Variants in GLI2 observed in about 807,000 individuals in gnomAD.
The protein encoded by GLI2 is transcription activator GLI2.
GLI2 carries 22 observed loss-of-function variants against 78.9 expected under a neutral mutation model. The observed-to-expected ratio is 0.28, with a 90% CI of 0.20 to 0.40. GLI2 has a LOEUF of 0.40. Ranked by LOEUF, GLI2 falls within the 10% of genes least tolerant of loss-of-function variation. The pLI is 1.00. For synonymous variants in GLI2, 974 were observed against 963.7 expected (o/e 1.01, Z -0.20); for missense variants, 2,097 against 2,213.2 (o/e 0.95, Z 1.05).
chr2:120,820,449 G>T (rs942740199), intron 2 of GLI2, among the ~76,000 whole-genome samples: 7 of 152,216 alleles, frequency 4.6e-5, no homozygotes, highest in Non-Finnish European at 1.0e-4. Context: ...AGGCAGTAAC[G>T]TCAGAGGCTG....
chr2:120,903,399 A>G (rs1573570129), intron 2 of GLI2, among the ~76,000 whole-genome samples: 1 of 151,958 alleles, frequency 6.6e-6, no homozygotes, highest in Admixed American at 6.5e-5. Flanking sequence ...TAAACAGTCC[A>G]CCAGCCTCTT....
chr2:120,939,218 G>T (rs1680339109), intron 3 of GLI2, among the ~76,000 whole-genome samples: 1 of 152,124 alleles, frequency 6.6e-6, no homozygotes, highest in African/African-American at 2.4e-5. Context: ...GGAGGCGGAA[G>T]TTGCAGTGAG....
intron 1 of GLI2, among the ~76,000 whole-genome samples, chr2:120,753,717 T>C (rs940741814): frequency 6.6e-6 from 1 of 151,918 alleles, no homozygotes; most frequent in Non-Finnish European, 1.5e-5. Flanking sequence ...GCTAACACGG[T>C]GAAACCCCGT....
At chr2:120,770,957 A>C (rs887447630) in intron 1 of GLI2, among the ~76,000 whole-genome samples, 7 of 152,162 alleles carry the variant, frequency 4.6e-5, no homozygotes, top group Admixed American at 4.6e-4. Context: ...CTCAGAGCCT[A>C]GTTATGACAT....
chr2:120,888,521 G>A (rs1224656622), intron 2 of GLI2, among the ~76,000 whole-genome samples: 4 of 152,188 alleles, frequency 2.6e-5, no homozygotes, highest in Non-Finnish European at 5.9e-5. Flanking sequence ...TGTGATTCAG[G>A]GGAGAGTGGG....
chr2:120,802,690 G>C (rs1281998597), intron 2 of GLI2, among the ~76,000 whole-genome samples: 6 of 152,166 alleles, frequency 3.9e-5, no homozygotes, highest in Admixed American at 3.9e-4. Context: ...ATGAAAGGTG[G>C]AGCCATGAAA....
intron 1 of GLI2, among the ~76,000 whole-genome samples, chr2:120,783,526 C>G (rs578254055): frequency 1.3e-5 from 2 of 151,678 alleles, no homozygotes; most frequent in South Asian, 4.2e-4. Flanking sequence ...TTGATTGTGT[C>G]TTGGAGAGAG....
chr2:120,883,846 A>T (rs922057341), intron 2 of GLI2, among the ~76,000 whole-genome samples: 10 of 152,112 alleles, frequency 6.6e-5, no homozygotes, highest in African/African-American at 2.4e-4. Context: ...GGAGAGGTAG[A>T]AGAAAGCCGC....
At chr2:120,760,627 T>C (rs902313880) in intron 1 of GLI2, among the ~76,000 whole-genome samples, 5 of 152,216 alleles carry the variant, frequency 3.3e-5, no homozygotes, top group African/African-American at 1.2e-4. Flanking sequence ...CGTCCCCCTG[T>C]CTGCCTGCCC....
intron 1 of GLI2, among the ~76,000 whole-genome samples, chr2:120,762,150 C>T (rs901986732): frequency 3.3e-5 from 5 of 152,136 alleles, no homozygotes; most frequent in Admixed American, 1.3e-4. Context: ...AAGCTGGTGG[C>T]AGTCATGGCC....
intron 2 of GLI2, among the ~76,000 whole-genome samples, chr2:120,825,459 C>T (rs73949934): frequency 7.3e-6 from 1 of 137,674 alleles, no homozygotes; most frequent in East Asian, 2.0e-4. Context: ...GGAGTGTGCT[C>T]CTGGCTGTGA....
intron 2 of GLI2, among the ~76,000 whole-genome samples, chr2:120,923,242 A>AT (rs1679475349): frequency 1.7e-5 from 1 of 58,948 alleles, no homozygotes; most frequent in African/African-American, 6.6e-5. Flanking sequence ...AGCAACACAC[A>AT]CACACAACAG....
chr2:120,786,369 C>A (rs1264275339), intron 1 of GLI2, among the ~76,000 whole-genome samples: 8 of 152,080 alleles, frequency 5.3e-5, no homozygotes. Context: ...CATCTCCCAC[C>A]ACCGCCATCA....
chr2:120,877,622 T>G (rs1688822789), intron 2 of GLI2, among the ~76,000 whole-genome samples: 1 of 152,378 alleles, frequency 6.6e-6, no homozygotes, highest in African/African-American at 2.4e-5. Context: ...AATGGAATTA[T>G]GCAGTGTGTG....
rs1250194612 is a variant in GLI2 at position 120,951,235 on chromosome 2, C to T, written c.255-8C>T. On this transcript the variant is annotated splice_region_variant and splice_polypyrimidine_tract_variant and intron_variant, in intron 3 of 13. Transcript: ENST00000361492. ...TCCTTCTTAGACGGCTGCCCATTGT[C>T]TCTGCAGGCCCCCTGCCCTCAGCGG... 5.1e-6 allele frequency: 8 copies of T among 1,565,298 alleles called. No individual in the cohort carries two copies. The highest frequency in any genetic ancestry group is 7.0e-6 in the Non-Finnish European group (8 of 1,135,778).
At position 120,951,387 on chromosome 2, in the gene GLI2, GCACAGCAGCCC is replaced by G; in HGVS notation, c.403_413del (p.Ser135AlafsTer14). On this transcript the variant is annotated frameshift_variant, in exon 4 of 14. Coordinates refer to ENST00000361492, the MANE Select transcript of GLI2 (RefSeq NM_001374353.1). LOFTEE classifies it high-confidence loss of function. Reference sequence around the variant, plus strand: ...ACATGGAGCACTACCTCCGTTCTGTGCACAGCAGCCCCACGCTCTCCATGATCTCTGCAGCC... The same window carrying G: ...ACATGGAGCACTACCTCCGTTCTGTGCACGCTCTCCATGATCTCTGCAGCC... 1 of 1,613,220 alleles carries G rather than the reference GCACAGCAGCCC, an allele frequency of 6.2e-7. No homozygotes were observed. Among genetic ancestry groups the G allele is most frequent in the Non-Finnish European group, 8.5e-7 (1 of 1,179,304 alleles).
intron 2 of GLI2, among the ~76,000 whole-genome samples, chr2:120,881,490 A>C (rs1323014104): frequency 2.8e-5 from 2 of 72,334 alleles, no homozygotes; most frequent in Non-Finnish European, 2.8e-5. Context: ...GTCGTGGGGA[A>C]GACAGTGGGG....
chr2:120,874,701 C>T (rs552495694), intron 2 of GLI2, among the ~76,000 whole-genome samples: 10 of 152,310 alleles, frequency 6.6e-5, no homozygotes, highest in South Asian at 4.2e-4. Context: ...CTCAGGAGGA[C>T]GCAGGCAGCT....
intron 2 of GLI2, among the ~76,000 whole-genome samples, chr2:120,925,848 G>A (rs1008898431): frequency 7.9e-5 from 12 of 152,118 alleles, no homozygotes; most frequent in Middle Eastern, 6.8e-3. Context: ...CGAGGCGGGC[G>A]GATCACAAGG....
Sources: allele counts gnomAD v4.1 joint callset (sites outside exome capture counted in the v4.1 genomes callset), GRCh38; gene constraint gnomAD v4.1.1; transcripts MANE v1.5; gene names NCBI Gene and HGNC (gene_info 2026-07-23, HGNC 2026-07-21).